Variants in EVC2 observed in about 807,000 individuals in gnomAD.
EVC2 encodes EvC ciliary complex subunit 2.
In EVC2, 148 loss-of-function variants were observed where a neutral mutation model predicts 149.3. The ratio of observed to expected loss-of-function variants is 0.99; its 90% CI spans 0.87 to 1.14. EVC2 has a LOEUF of 1.14. Ranked by LOEUF, EVC2 falls within the 50% of genes most tolerant of loss-of-function variation. EVC2 has a pLI of 0.00. For missense variants in EVC2, 1,854 were observed against 1,627.3 expected (o/e 1.14, Z -2.40); for synonymous variants, 776 against 649.9 (o/e 1.19, Z -2.95).
chr4:5,696,848 C>G lies in EVC2; in HGVS notation c.283+745G>C, dbSNP rs890877926. ...AAAGGTCCGCAAAGACAGCCAGGTC[C>G]TAACCCCATGAAGCTGTGAATGTTA... On this transcript the variant is annotated intron_variant, in intron 2 of 21. Transcript: ENST00000344408. The surrounding 1 kb of genome is among the most constrained non-coding windows in gnomAD (Gnocchi z 4.1). Among the ~76,000 whole-genome samples, 4 of 152,182 alleles carry G rather than the reference C, an allele frequency of 2.6e-5. No individual in the cohort carries two copies. The highest frequency in any genetic ancestry group is 6.5e-5 in the Admixed American group (1 of 15,280).
chr4:5,576,105 T>C lies in EVC2; in HGVS notation c.3272+135A>G. 7.1e-7 allele frequency: 1 copy of C among 1,410,796 alleles called. No individual in the cohort carries two copies. Among genetic ancestry groups the C allele is most frequent in the Non-Finnish European group, 9.9e-7 (1 of 1,014,676 alleles). 87.4% of individuals were successfully genotyped at this position (1,410,796 alleles called of 1,614,324 possible). On this transcript the variant is annotated intron_variant, in intron 18 of 21. Coordinates refer to ENST00000344408, the MANE Select transcript of EVC2 (RefSeq NM_147127.5). The surrounding 1 kb of genome is among the most constrained non-coding windows in gnomAD (Gnocchi z 4.5). The stretch of plus-strand genomic sequence containing the variant: ...TATGCTACAAAGCCAGCAGCTCGTG[T>C]TGGAGCAATGGGATGACACCTTAGG...
At chr4:5,692,183 A>T (rs1369825865) in intron 3 of EVC2, among the ~76,000 whole-genome samples, 2 of 152,100 alleles carry the variant, frequency 1.3e-5, no homozygotes, top group African/African-American at 4.8e-5. Flanking sequence ...TGTTTTGTAT[A>T]TTTTTTATTT....
chr4:5,539,445 G>T (rs1439807385), downstream of EVC2, among the ~76,000 whole-genome samples: 2 of 152,112 alleles, frequency 1.3e-5, no homozygotes, highest in Non-Finnish European at 2.9e-5. Flanking sequence ...TCTAAAATTT[G>T]CATGGAAATG....
Position 5,631,913 on chromosome 4 carries a change from A to G in EVC2, c.1590T>C (p.Ala530=). 6.2e-7 allele frequency: 1 copy of G among 1,614,216 alleles called. No homozygotes were observed. Among genetic ancestry groups the G allele is most frequent in the East Asian group, 2.2e-5 (1 of 44,880 alleles). Residue 530 remains alanine (A), a synonymous_variant, in exon 11 of 22, where the codon GCT becomes GCC. Coordinates refer to ENST00000344408, the MANE Select transcript of EVC2 (RefSeq NM_147127.5). ...TGTGCAGTTCATTTCTCTGGAAAAC[A>G]GCCAGCTGTCTGTGAGCTTTGGCAA... is the stretch of plus-strand genomic sequence containing the variant. The part of the protein sequence containing the change: ...EDFAKAHRQL[A]VFQRNELHSI...
At chr4:5,669,577 G>A (rs768467340) in intron 7 of EVC2, among the ~76,000 whole-genome samples, 6 of 152,178 alleles carry the variant, frequency 3.9e-5, no homozygotes, top group East Asian at 1.9e-4. Context: ...TCACTCTACC[G>A]TAAAAGCCAG....
chr4:5,608,212 T>C (rs1714548880), intron 16 of EVC2, among the ~76,000 whole-genome samples: 1 of 152,136 alleles, frequency 6.6e-6, no homozygotes, highest in Admixed American at 6.5e-5. Context: ...AAGATTTCAG[T>C]AAAGGAAGGG....
chr4:5,683,010 T>TG (rs1174076826), intron 6 of EVC2, among the ~76,000 whole-genome samples: 1 of 152,190 alleles, frequency 6.6e-6, no homozygotes, highest in Non-Finnish European at 1.5e-5. Context: ...CCCCGATCCA[T>TG]GCCCTACAGA....
the EVC2 span, among the ~76,000 whole-genome samples, chr4:5,529,206 A>G: frequency 2.6e-5 from 4 of 152,004 alleles, no homozygotes; most frequent in Admixed American, 2.0e-4. The surrounding 1 kb of genome is among the most constrained non-coding windows in gnomAD (Gnocchi z 4.5). Flanking sequence ...GAATGAGGCT[A>G]CCTCATTCAG....
chr4:5,594,912 G>A (rs545921340), intron 16 of EVC2, among the ~76,000 whole-genome samples: 10 of 152,296 alleles, frequency 6.6e-5, no homozygotes, highest in African/African-American at 1.9e-4. Context: ...AGAGAACTAC[G>A]AGAAGAATGC....
At chr4:5,638,109 C>CCATGCGTGGTGGCT in intron 10 of EVC2, among the ~76,000 whole-genome samples, 1 of 152,134 alleles carries the variant, frequency 6.6e-6, no homozygotes, top group South Asian at 2.1e-4. Context: ...AAAAAATTGG[C>CCATGCGTGGTGGCT]CATGCGTGGT....
At chr4:5,605,064 T>C (rs1324616035) in intron 16 of EVC2, among the ~76,000 whole-genome samples, 1 of 152,210 alleles carries the variant, frequency 6.6e-6, no homozygotes, top group African/African-American at 2.4e-5. Flanking sequence ...CATGATTTTC[T>C]TAAAAACATT....
chr4:5,628,552 G>C lies in EVC2; in HGVS notation c.1886+7C>G, dbSNP rs376738238. The C allele has an allele frequency of 7.4e-5, 120 of 1,614,128 alleles. 1 individual carries two copies. In the African/African-American group the frequency reaches 1.5e-3, roughly 21 times the overall value. On this transcript the variant is annotated splice_region_variant and intron_variant, in intron 12 of 21. Transcript: ENST00000344408. ...GTTCGCACTGTTGGGACAGTGTTGA[G>C]TGGTACCTCTCGTGCTTCTGAATGA... is the stretch of plus-strand genomic sequence containing the variant.
intron 9 of EVC2, among the ~76,000 whole-genome samples, chr4:5,660,573 C>G (rs1384776157): frequency 1.3e-5 from 2 of 152,172 alleles, no homozygotes; most frequent in African/African-American, 4.8e-5. Flanking sequence ...TTTCAGTATG[C>G]TTTCAATTCT....
chr4:5,623,050 G>A (rs990064707), intron 13 of EVC2, 59 bp from the exon 14 acceptor site: 10 of 1,507,454 alleles, frequency 6.6e-6, no homozygotes, highest in Non-Finnish European at 9.1e-6. Flanking sequence ...CAGTCCTTTG[G>A]CTGAAACACT....
At chr4:5,609,241 G>C (rs1343816073) in intron 16 of EVC2, among the ~76,000 whole-genome samples, 4 of 151,880 alleles carry the variant, frequency 2.6e-5, no homozygotes, top group African/African-American at 4.8e-5. Context: ...ATCTGCTATG[G>C]GTTCTGTTTC....
chr4:5,687,980 C>A (rs138627609), intron 5 of EVC2, among the ~76,000 whole-genome samples: 107 of 152,284 alleles, frequency 7.0e-4, no homozygotes, highest in African/African-American at 2.3e-3. Flanking sequence ...TGGGAGTCAC[C>A]CAGGTCCATC....
rs536972869 is a variant in EVC2 at position 5,562,806 on chromosome 4, T to C, written c.*42A>G. The C allele has an allele frequency of 1.9e-6, 3 of 1,611,482 alleles. No individual in the cohort carries two copies. In the Admixed American group the frequency reaches 5.0e-5, roughly 27 times the overall value. On this transcript the variant is annotated 3_prime_UTR_variant, in exon 22 of 22. Coordinates refer to ENST00000344408, the MANE Select transcript of EVC2 (RefSeq NM_147127.5). The surrounding 1 kb of genome is among the most constrained non-coding windows in gnomAD (Gnocchi z 4.3). Reference sequence around the variant, plus strand: ...AACACCGGCGGGCAGGAGAAAATCATCCCTTCTCTCTTCAGATGCTCCCGC... The same window carrying C: ...AACACCGGCGGGCAGGAGAAAATCACCCCTTCTCTCTTCAGATGCTCCCGC...
chr4:5,574,601 A>G, intron 19 of EVC2, 84 bp downstream of exon 19: 1 of 1,352,440 alleles, frequency 7.4e-7, no homozygotes, highest in Non-Finnish European at 1.1e-6. Context: ...ACCATCCTGG[A>G]GGTGAGGAAA....
chr4:5,693,921 A>C (rs1281982136), intron 3 of EVC2, among the ~76,000 whole-genome samples: 2 of 152,232 alleles, frequency 1.3e-5, no homozygotes, highest in African/African-American at 4.8e-5. Flanking sequence ...ACTGTTTAAG[A>C]AACTCATAAT....
Sources: allele counts gnomAD v4.1 joint callset (sites outside exome capture counted in the v4.1 genomes callset), GRCh38; gene constraint gnomAD v4.1.1; non-coding constraint Gnocchi (gnomAD v3.1); transcripts MANE v1.5; gene names NCBI Gene and HGNC (gene_info 2026-07-23, HGNC 2026-07-21).